Variants in LYST observed in about 807,000 individuals in gnomAD.
The protein encoded by LYST is lysosomal trafficking regulator.
Under a neutral mutation model 413.6 loss-of-function variants are expected in LYST, and 192 were observed. The ratio of observed to expected loss-of-function variants is 0.46; its 90% CI spans 0.41 to 0.52. LYST has a LOEUF of 0.52. Among genes scored for constraint, LYST ranks in the 20% least tolerant of loss-of-function variants. The probability of loss-of-function intolerance (pLI) is 0.00; values close to 1 mark genes in which losing one functional copy is unlikely to be tolerated. For missense variants in LYST, 3,815 were observed against 4,499.9 expected (o/e 0.85, Z 4.35); for synonymous variants, 1,525 against 1,567.3 (o/e 0.97, Z 0.64).
intron 1 of LYST, among the ~76,000 whole-genome samples, chr1:235,859,570 A>G (rs2103152144): frequency 6.6e-6 from 1 of 151,046 alleles, no homozygotes; most frequent in East Asian, 1.9e-4. Flanking sequence ...AGCTAATTCC[A>G]CCAAACTGAA....
chr1:235,686,988 A>G lies in LYST; in HGVS notation c.10761T>C (p.Gly3587=). Residue 3587 remains glycine, a synonymous_variant, in exon 48 of 53, where the codon GGT becomes GGC. Coordinates refer to ENST00000389793, the MANE Select transcript of LYST (RefSeq NM_000081.4). This position sits in a 1 kb window ranked among gnomAD's most constrained non-coding sequence, Gnocchi z 4.0. ...ATCTGTTTGTGTAGGCTGTGATGAC[A>G]CCGCATTTGCTTCCAGTAAACAGCT... is the stretch of plus-strand genomic sequence containing the variant. ...SCQLFTGSKC[G]VITAYTNRFT... 1 of 1,614,120 alleles carries G rather than the reference A, an allele frequency of 6.2e-7. No individual in the cohort carries two copies. Among genetic ancestry groups the G allele is most frequent in the African/African-American group, 1.3e-5 (1 of 75,036 alleles).
At chr1:235,737,845 C>G in intron 31 of LYST, 1 of 967,212 alleles carries the variant, frequency 1.0e-6, no homozygotes, top group African/African-American at 1.7e-5. Flanking sequence ...GGGAAGGAAA[C>G]AGCATTTATC....
chr1:235,710,976 C>T (rs1327873994), intron 43 of LYST, among the ~76,000 whole-genome samples: 1 of 152,214 alleles, frequency 6.6e-6, no homozygotes, highest in East Asian at 1.9e-4. Flanking sequence ...CATCTCCTGC[C>T]TGTTCCAGCT....
chr1:235,675,760 C>A (rs895731934), intron 50 of LYST, among the ~76,000 whole-genome samples: 3 of 152,180 alleles, frequency 2.0e-5, no homozygotes, highest in Admixed American at 6.5e-5. Flanking sequence ...GTCATTCTAG[C>A]AAATTATTGA....
At chr1:235,746,225 G>A (rs1198056894) in intron 29 of LYST, 111 bp downstream of exon 29, 1 of 871,466 alleles carries the variant, frequency 1.1e-6, no homozygotes, top group Non-Finnish European at 1.9e-6. Flanking sequence ...TGGATGTTAA[G>A]AACTGAAAAA....
At chr1:235,846,016 T>A (rs1308157314) in intron 1 of LYST, among the ~76,000 whole-genome samples, 1 of 152,146 alleles carries the variant, frequency 6.6e-6, no homozygotes, top group Non-Finnish European at 1.5e-5. Context: ...CGCCACCTCC[T>A]GGCAGGAGGC....
chr1:235,750,415 A>G (rs1666372191), intron 28 of LYST, among the ~76,000 whole-genome samples: 1 of 152,210 alleles, frequency 6.6e-6, no homozygotes. Context: ...AAATTTTTGC[A>G]TAGCATTGAA....
At chr1:235,771,389 TA>T (rs1236658385) in intron 19 of LYST, among the ~76,000 whole-genome samples, 1 of 152,188 alleles carries the variant, frequency 6.6e-6, no homozygotes, top group Non-Finnish European at 1.5e-5. Flanking sequence ...ATGTTTCTTT[TA>T]AAATCAAACA....
In LYST at chr1:235,679,129, T is replaced by C. The variant is rs979881339; in HGVS notation, c.10801-1510A>G. Among the ~76,000 whole-genome samples, 3 of 152,298 alleles carry C rather than the reference T, an allele frequency of 2.0e-5. No homozygotes were observed. The East Asian group carries it at 5.8e-4, about 29-fold the overall frequency. ...TTGAGCTGTGTAGCAACTGCCTGTT[T>C]AGCTAGGGCGTGTGACCTTCACCTG... On this transcript the variant is annotated intron_variant, in intron 48 of 52. Transcript: ENST00000389793.
chr1:235,832,259 C>T (rs1164380409), intron 2 of LYST, among the ~76,000 whole-genome samples: 2 of 152,162 alleles, frequency 1.3e-5, no homozygotes, highest in African/African-American at 4.8e-5. Flanking sequence ...ATGTGCAGGC[C>T]AGGTCAACTA....
chr1:235,748,910 A>T (rs1015079026), intron 28 of LYST, among the ~76,000 whole-genome samples: 2 of 152,170 alleles, frequency 1.3e-5, no homozygotes, highest in African/African-American at 4.8e-5. Context: ...GGCAGTCCCC[A>T]CAACTCCTGC....
At chr1:235,746,259 A>G (rs1379422519) in intron 29 of LYST, 77 bp downstream of exon 29, 5 of 1,334,748 alleles carry the variant, frequency 3.7e-6, no homozygotes, top group Non-Finnish European at 4.3e-6. Context: ...ACATCTGAAA[A>G]CCAACCAGTT....
At chr1:235,755,016 A>G (rs10926583) in intron 25 of LYST, among the ~76,000 whole-genome samples, 67,836 of 145,014 alleles carry the variant, frequency 0.47, 17,364 homozygotes, top group African/African-American at 0.69. Flanking sequence ...CAAGGCTGCA[A>G]TGAGCTGAGG....
At chr1:235,841,899 A>T (rs1677254899) in intron 1 of LYST, among the ~76,000 whole-genome samples, 1 of 152,238 alleles carries the variant, frequency 6.6e-6, no homozygotes. Context: ...AAGGCTAAGT[A>T]ATTTAGAATA....
At chr1:235,850,673 A>G (rs1444011101) in intron 1 of LYST, among the ~76,000 whole-genome samples, 1 of 152,144 alleles carries the variant, frequency 6.6e-6, no homozygotes, top group African/African-American at 2.4e-5. Flanking sequence ...AACTCAAACA[A>G]ATCAGTAGGA....
chr1:235,854,821 T>C lies in LYST; in HGVS notation c.-98+12022A>G, dbSNP rs922965901. Among the ~76,000 whole-genome samples, 4 of 152,164 alleles carry C rather than the reference T, an allele frequency of 2.6e-5. No homozygotes were observed. The highest frequency in any genetic ancestry group is 4.8e-5 in the African/African-American group (2 of 41,428). On this transcript the variant is annotated intron_variant, in intron 1 of 52. Coordinates refer to ENST00000389793, the MANE Select transcript of LYST (RefSeq NM_000081.4). The surrounding 1 kb of genome is among the most constrained non-coding windows in gnomAD (Gnocchi z 4.1). ...TCAACTCCTCTCTTACTTGCAATACTAACAACCTCCTACTTGATCACACTG... is the reference window on the plus strand; with the variant it reads ...TCAACTCCTCTCTTACTTGCAATACCAACAACCTCCTACTTGATCACACTG...
chr1:235,705,487 G>A (rs1285160059), intron 44 of LYST, among the ~76,000 whole-genome samples: 1 of 151,976 alleles, frequency 6.6e-6, no homozygotes, highest in African/African-American at 2.4e-5. Flanking sequence ...CTGGGTTCAA[G>A]TGATCCTACT....
At chr1:235,828,674 C>T (rs1422849450) in intron 3 of LYST, 1 of 579,172 alleles carries the variant, frequency 1.7e-6, no homozygotes, top group Non-Finnish European at 2.2e-6. Flanking sequence ...TTTACTATTA[C>T]TGATGCTATT....
chr1:235,720,771 G>A lies in LYST; in HGVS notation c.9450C>T (p.Asn3150=). The change falls in exon 40 of 53, where the codon AAC becomes AAT. Residue 3150 remains asparagine, a synonymous_variant. Transcript: ENST00000389793. ...CATTGAAGGATCGGCCAGCATGTTT[G>A]TTTAAGTGAGTCAAATATTCAAAAT... ...ITNFEYLTHL[N]KHAGRSFNDL... is the part of the protein sequence containing the mutation. 6.2e-7 allele frequency: 1 copy of A among 1,614,116 alleles called. No individual in the cohort carries two copies. The highest frequency in any genetic ancestry group is 8.5e-7 in the Non-Finnish European group (1 of 1,179,994).
Sources: allele counts gnomAD v4.1 joint callset (sites outside exome capture counted in the v4.1 genomes callset), GRCh38; gene constraint gnomAD v4.1.1; non-coding constraint Gnocchi (gnomAD v3.1); transcripts MANE v1.5; gene names NCBI Gene and HGNC (gene_info 2026-07-23, HGNC 2026-07-21).